MARCHF3: variants seen among roughly 807,000 people sequenced by gnomAD.
MARCHF3 encodes membrane associated ring-CH-type finger 3, also known as E3 ubiquitin-protein ligase MARCHF3.
MARCHF3 carries 13 observed loss-of-function variants against 24.2 expected under a neutral mutation model. That is an observed-to-expected ratio of 0.54 (90% CI 0.35 to 0.85). MARCHF3 has a LOEUF of 0.85. Among genes scored for constraint, MARCHF3 ranks in the 40% least tolerant of loss-of-function variants. The pLI is 0.01. For missense variants in MARCHF3, 276 were observed against 325.0 expected, an observed-to-expected ratio of 0.85 and a Z score of 1.16; for synonymous variants, 144 against 137.3, an observed-to-expected ratio of 1.05 and a Z score of -0.34.
At chr5:126,974,129 C>G (rs1751114355) in intron 1 of MARCHF3, among the ~76,000 whole-genome samples, 1 of 151,732 alleles carries the variant, frequency 6.6e-6, no homozygotes, top group African/African-American at 2.4e-5. Flanking sequence ...GATCTCCTGA[C>G]CTCATGATCC....
intron 1 of MARCHF3, among the ~76,000 whole-genome samples, chr5:126,949,377 A>G (rs1750137506): frequency 6.6e-6 from 1 of 152,232 alleles, no homozygotes; most frequent in South Asian, 2.1e-4. Context: ...AGCGGTTCTG[A>G]TGAAACAGAA....
intron 3 of MARCHF3, among the ~76,000 whole-genome samples, chr5:126,885,340 G>T (rs1243445278): frequency 2.0e-5 from 3 of 152,178 alleles, no homozygotes. Context: ...GGCTGAGGCA[G>T]GTGGATCGTC....
intron 1 of MARCHF3, among the ~76,000 whole-genome samples, chr5:126,922,549 T>TTTATTTAC (rs1561429369): frequency 6.7e-6 from 1 of 149,316 alleles, no homozygotes; most frequent in African/African-American, 2.5e-5. Context: ...TATTTATTTA[T>TTTATTTAC]TTATTATTTA....
chr5:126,921,703 C>T (rs143299575), intron 1 of MARCHF3, among the ~76,000 whole-genome samples: 1 of 152,338 alleles, frequency 6.6e-6, no homozygotes, highest in Non-Finnish European at 1.5e-5. Context: ...CAAGAATTCT[C>T]TCAGGGAGGG....
chr5:127,008,291 C>T (rs1227292996), intron 1 of MARCHF3, among the ~76,000 whole-genome samples: 1 of 152,224 alleles, frequency 6.6e-6, no homozygotes, highest in East Asian at 1.9e-4. Context: ...TTTGATTGCT[C>T]GAAGAACTCC....
chr5:126,990,610 A>C lies in MARCHF3; in HGVS notation c.-57+39740T>G, dbSNP rs972607452. Among the ~76,000 whole-genome samples the C allele has an allele frequency of 1.4e-4, 22 of 152,236 alleles. 1 individual carries two copies. Among genetic ancestry groups the C allele is most frequent in the South Asian group, 8.3e-4 (4 of 4,824 alleles). On this transcript the variant is annotated intron_variant, in intron 1 of 4. Coordinates refer to ENST00000308660, the MANE Select transcript of MARCHF3 (RefSeq NM_178450.5). ...GAAACTACCATCAGAGTGAACAGGC[A>C]ACCTAGAGAATGGGAGAAAATTTTT...
At chr5:127,018,558 GTC>G (rs1272118189) in intron 1 of MARCHF3, among the ~76,000 whole-genome samples, 1 of 152,132 alleles carries the variant, frequency 6.6e-6, no homozygotes, top group Non-Finnish European at 1.5e-5. Flanking sequence ...TGGAAAGGAT[GTC>G]ACCATACAAA....
chr5:126,984,154 T>C (rs1018971502), intron 1 of MARCHF3, among the ~76,000 whole-genome samples: 2 of 152,124 alleles, frequency 1.3e-5, no homozygotes, highest in African/African-American at 2.4e-5. Context: ...TTTTGAGCCA[T>C]GCCATTCCCT....
At chr5:126,889,815 G>A (rs1163706047) in intron 3 of MARCHF3, among the ~76,000 whole-genome samples, 3 of 152,122 alleles carry the variant, frequency 2.0e-5, no homozygotes, top group African/African-American at 7.2e-5. Context: ...CACCACGATG[G>A]AGGTGGTATC....
intron 3 of MARCHF3, among the ~76,000 whole-genome samples, chr5:126,894,655 C>A (rs1313664428): frequency 6.6e-6 from 1 of 151,980 alleles, no homozygotes; most frequent in Non-Finnish European, 1.5e-5. Context: ...GCCGAGAGAT[C>A]CGCTGTTAGT....
chr5:126,902,199 G>A (rs983794481), intron 3 of MARCHF3, among the ~76,000 whole-genome samples: 1 of 152,070 alleles, frequency 6.6e-6, no homozygotes. Flanking sequence ...TGAAGACCAC[G>A]GTTTTCTCCC....
intron 1 of MARCHF3, among the ~76,000 whole-genome samples, chr5:126,918,698 G>A (rs1246090972): frequency 6.6e-6 from 1 of 152,202 alleles, no homozygotes; most frequent in Non-Finnish European, 1.5e-5. Context: ...GAGAGAGAAA[G>A]AAGGAAGGAA....
intron 1 of MARCHF3, among the ~76,000 whole-genome samples, chr5:126,948,013 T>C (rs73786209): frequency 0.052 from 7,853 of 152,134 alleles, 378 homozygotes; most frequent in South Asian, 0.14. Context: ...CCTCTCAACT[T>C]ATCAAAATCA....
At chr5:127,018,828 T>C (rs1002373426) in intron 1 of MARCHF3, among the ~76,000 whole-genome samples, 4 of 152,216 alleles carry the variant, frequency 2.6e-5, no homozygotes, top group Non-Finnish European at 5.9e-5. Context: ...AATCCTAGCT[T>C]AGCCACTTTG....
intron 1 of MARCHF3, among the ~76,000 whole-genome samples, chr5:126,918,873 C>T (rs754725765): frequency 6.6e-6 from 1 of 152,150 alleles, no homozygotes; most frequent in Non-Finnish European, 1.5e-5. Context: ...AAAAATGGAA[C>T]CTATTTTAGC....
chr5:126,882,370 A>G (rs1315598645), intron 3 of MARCHF3, among the ~76,000 whole-genome samples: 1 of 152,178 alleles, frequency 6.6e-6, no homozygotes, highest in Non-Finnish European at 1.5e-5. Flanking sequence ...AAATTTTCTT[A>G]GGCTCTTGTT....
intron 3 of MARCHF3, among the ~76,000 whole-genome samples, chr5:126,909,486 G>A (rs1290382729): frequency 6.6e-6 from 1 of 152,228 alleles, no homozygotes; most frequent in Non-Finnish European, 1.5e-5. Flanking sequence ...CGTGGGCGTA[G>A]GACCCTCCGA....
intron 1 of MARCHF3, among the ~76,000 whole-genome samples, chr5:126,974,145 C>T (rs1751115374): frequency 6.6e-6 from 1 of 152,126 alleles, no homozygotes; most frequent in South Asian, 2.1e-4. Flanking sequence ...GATCCACCCG[C>T]CTCAGCCTCC....
chr5:126,914,110 A>C (rs1488453852), intron 3 of MARCHF3, among the ~76,000 whole-genome samples: 1 of 150,106 alleles, frequency 6.7e-6, no homozygotes, highest in African/African-American at 2.5e-5. Flanking sequence ...CAGCCTCCTG[A>C]GTAGCTGGGA....
Sources: allele counts gnomAD v4.1 joint callset (sites outside exome capture counted in the v4.1 genomes callset), GRCh38; gene constraint gnomAD v4.1.1; transcripts MANE v1.5; gene names NCBI Gene and HGNC (gene_info 2026-07-23, HGNC 2026-07-21).